The following MYO3B variants were observed in gnomAD, a reference collection of about 807,000 sequenced individuals.
The protein encoded by MYO3B is myosin IIIB.
Under a neutral mutation model 174.6 loss-of-function variants are expected in MYO3B, and 156 were observed. The ratio of observed to expected loss-of-function variants is 0.89; its 90% CI spans 0.78 to 1.02. The LOEUF (loss-of-function observed/expected upper bound fraction) is 1.02, where lower values mean the gene tolerates loss of function less well. Among genes scored for constraint, MYO3B ranks in the 50% least tolerant of loss-of-function variants. MYO3B has a pLI of 0.00. For missense variants in MYO3B, 1,632 were observed against 1,639.4 expected (o/e 1.00, Z 0.08); for synonymous variants, 563 against 569.1 (o/e 0.99, Z 0.15).
At chr2:170,579,999 T>G (rs1020975694) in intron 32 of MYO3B, among the ~76,000 whole-genome samples, 2 of 152,230 alleles carry the variant, frequency 1.3e-5, no homozygotes, top group African/African-American at 4.8e-5. Context: ...TTAAAGACTC[T>G]TTTCTAAAGT....
At chr2:170,645,449 A>T (rs1465556520) in intron 32 of MYO3B, among the ~76,000 whole-genome samples, 1 of 148,546 alleles carries the variant, frequency 6.7e-6, no homozygotes, top group Non-Finnish European at 1.5e-5. Flanking sequence ...AGCCTGGGTG[A>T]CAGAGCAAGG....
intron 30 of MYO3B, chr2:170,519,786 C>A (rs1575108870): frequency 2.9e-6 from 1 of 343,882 alleles, no homozygotes; most frequent in Non-Finnish European, 5.5e-6. Context: ...TAGCCTGGCC[C>A]ACATGGCAAA....
intron 7 of MYO3B, among the ~76,000 whole-genome samples, chr2:170,247,430 T>A (rs1441328706): frequency 1.3e-5 from 2 of 152,204 alleles, no homozygotes; most frequent in African/African-American, 4.8e-5. Context: ...GGCAGCATCC[T>A]GACATCATGC....
intron 7 of MYO3B, among the ~76,000 whole-genome samples, chr2:170,285,005 T>G (rs2093543889): frequency 6.6e-6 from 1 of 152,226 alleles, no homozygotes; most frequent in Admixed American, 6.5e-5. Flanking sequence ...AAACATCATG[T>G]TTTGAAAACT....
chr2:170,636,111 A>G (rs536223784), intron 32 of MYO3B, among the ~76,000 whole-genome samples: 4 of 152,088 alleles, frequency 2.6e-5, no homozygotes, highest in Non-Finnish European at 5.9e-5. Flanking sequence ...CATACTTTAG[A>G]TCTGACATAT....
intron 10 of MYO3B, chr2:170,382,858 C>A: frequency 2.3e-6 from 1 of 433,690 alleles, no homozygotes; most frequent in Non-Finnish European, 4.1e-6. Flanking sequence ...CTAAGTGGGC[C>A]TAATTCTTTC....
intron 17 of MYO3B, 88 bp downstream of exon 17, chr2:170,400,402 CTTT>C (rs10676575): frequency 6.3e-3 from 6,215 of 985,846 alleles, no homozygotes; most frequent in Admixed American, 9.5e-3. Context: ...TTTGCTGGTC[CTTT>C]TTTTTTTTTT....
chr2:170,401,992 A>G (rs759332477), intron 18 of MYO3B, among the ~76,000 whole-genome samples: 1 of 151,994 alleles, frequency 6.6e-6, no homozygotes, highest in Non-Finnish European at 1.5e-5. Context: ...CTTTTAGAAG[A>G]CACAGTGAGA....
chr2:170,360,276 G>A (rs55818477), intron 8 of MYO3B, among the ~76,000 whole-genome samples: 7,663 of 152,194 alleles, frequency 0.05, 264 homozygotes, highest in Middle Eastern at 0.078. Flanking sequence ...TACAATTCAT[G>A]TGTCCCTGGG....
At chr2:170,621,791 GAGCCACCAGGCATT>G (rs946313797) in intron 32 of MYO3B, among the ~76,000 whole-genome samples, 9 of 152,072 alleles carry the variant, frequency 5.9e-5, no homozygotes, top group Admixed American at 2.6e-4. Context: ...GGGCCACCGT[GAGCCACCAGGCATT>G]AGCCACCATG....
chr2:170,573,297 C>A (rs1431938105), intron 32 of MYO3B, among the ~76,000 whole-genome samples: 1 of 151,346 alleles, frequency 6.6e-6, no homozygotes, highest in Non-Finnish European at 1.5e-5. Flanking sequence ...TAGAATCAAA[C>A]TGAATTATCT....
chr2:170,574,477 A>G (rs1352850790), intron 32 of MYO3B, among the ~76,000 whole-genome samples: 7 of 152,174 alleles, frequency 4.6e-5, no homozygotes, highest in African/African-American at 1.7e-4. Flanking sequence ...AAGTATTAAG[A>G]TCAAAGGTAA....
chr2:170,436,524 C>T (rs2094755470), intron 22 of MYO3B, among the ~76,000 whole-genome samples: 1 of 152,156 alleles, frequency 6.6e-6, no homozygotes, highest in Admixed American at 6.5e-5. Context: ...CACAGTTTAG[C>T]CTCTGAAGAT....
chr2:170,340,721 T>G (rs2093971988), intron 8 of MYO3B: 1 of 152,220 alleles, frequency 6.6e-6, no homozygotes, highest in Non-Finnish European at 1.5e-5. Flanking sequence ...TCAGCCTCTC[T>G]GTGTAACATT....
At chr2:170,314,786 G>A (rs2093763332) in intron 7 of MYO3B, among the ~76,000 whole-genome samples, 1 of 152,168 alleles carries the variant, frequency 6.6e-6, no homozygotes, top group Admixed American at 6.5e-5. Context: ...GGGAAGTGTT[G>A]GAAGAAAAGC....
At chr2:170,593,236 T>C (rs966777143) in intron 32 of MYO3B, among the ~76,000 whole-genome samples, 1 of 152,164 alleles carries the variant, frequency 6.6e-6, no homozygotes, top group Non-Finnish European at 1.5e-5. Context: ...TGACTGGGAC[T>C]ACCTGAGCTT....
intron 6 of MYO3B, 65 bp from the exon 7 acceptor site, chr2:170,235,926 G>A: frequency 1.9e-6 from 3 of 1,601,206 alleles, no homozygotes; most frequent in Admixed American, 1.7e-5. Flanking sequence ...ATCAGCCCAG[G>A]GCCTTTTTAG....
At chr2:170,571,529 G>C (rs1692439577) in intron 32 of MYO3B, among the ~76,000 whole-genome samples, 1 of 152,162 alleles carries the variant, frequency 6.6e-6, no homozygotes, top group Admixed American at 6.5e-5. Flanking sequence ...GAATGTTGTG[G>C]AGAACCACTA....
chr2:170,351,409 C>G, intron 8 of MYO3B, among the ~76,000 whole-genome samples: 1 of 152,132 alleles, frequency 6.6e-6, no homozygotes, highest in Non-Finnish European at 1.5e-5. Context: ...TGCTGACCAT[C>G]ACCCAGGACT....
Sources: allele counts gnomAD v4.1 joint callset (sites outside exome capture counted in the v4.1 genomes callset), GRCh38; gene constraint gnomAD v4.1.1; transcripts MANE v1.5; gene names NCBI Gene and HGNC (gene_info 2026-07-23, HGNC 2026-07-21).